LRP1B: variants seen among roughly 807,000 people sequenced by gnomAD.
LRP1B encodes the protein low-density lipoprotein receptor-related protein 1B.
In LRP1B, 217 loss-of-function variants were observed where a neutral mutation model predicts 556.6. The ratio of observed to expected loss-of-function variants is 0.39; its 90% CI spans 0.35 to 0.44. The LOEUF is 0.44. LRP1B is among the 20% of genes least tolerant of loss of function. The pLI, the probability that LRP1B is intolerant of heterozygous loss-of-function variation, is 1.00. For synonymous variants in LRP1B, 2,047 were observed against 1,865.8 expected (o/e 1.10, Z -2.50); for missense variants, 5,053 against 5,620.8 (o/e 0.90, Z 3.23).
intron 1 of LRP1B, among the ~76,000 whole-genome samples, chr2:141,841,774 G>A (rs1238526627): frequency 1.3e-5 from 2 of 152,194 alleles, no homozygotes; most frequent in East Asian, 3.9e-4. Context: ...TTATTGACAG[G>A]TCCTCATATA....
chr2:140,330,812 T>G (rs898030303), intron 79 of LRP1B, among the ~76,000 whole-genome samples: 1 of 152,026 alleles, frequency 6.6e-6, no homozygotes, highest in African/African-American at 2.4e-5. Flanking sequence ...ATTTTTGCAA[T>G]CCACCCATCT....
At position 140,702,302 on chromosome 2, in the gene LRP1B, G is replaced by A. The variant is rs1465705102; in HGVS notation, c.6151-10C>T. On this transcript the variant is annotated splice_polypyrimidine_tract_variant and intron_variant, in intron 38 of 90. Transcript: ENST00000389484. ...AGTACAATTTATTTTCCTAAATATC[G>A]ATTAAGAAGTAACGTTACAGACTAT... is the stretch of plus-strand genomic sequence containing the variant. 6.2e-6 allele frequency: 10 copies of A among 1,612,178 alleles called. No individual in the cohort carries two copies. The highest frequency in any genetic ancestry group is 2.7e-5 in the African/African-American group (2 of 74,758).
At chr2:141,672,872 A>C (rs1411286647) in intron 2 of LRP1B, among the ~76,000 whole-genome samples, 1 of 152,192 alleles carries the variant, frequency 6.6e-6, no homozygotes, top group Non-Finnish European at 1.5e-5. Context: ...ATTTGTGTTC[A>C]TCATGAAGGT....
chr2:142,005,107 T>C (rs1702762958), intron 1 of LRP1B, among the ~76,000 whole-genome samples: 1 of 148,484 alleles, frequency 6.7e-6, no homozygotes, highest in Non-Finnish European at 1.5e-5. Flanking sequence ...TATTTATTAG[T>C]TATTTACTAT....
chr2:141,167,026 A>G (rs1364620331), intron 7 of LRP1B, among the ~76,000 whole-genome samples: 2 of 151,950 alleles, frequency 1.3e-5, no homozygotes, highest in Admixed American at 6.6e-5. Context: ...TAGTTGAAAC[A>G]CGTTTACTTA....
chr2:141,979,759 A>C (rs527450499), intron 1 of LRP1B, among the ~76,000 whole-genome samples: 1 of 152,248 alleles, frequency 6.6e-6, no homozygotes, highest in Admixed American at 6.5e-5. Flanking sequence ...TATAGTTATT[A>C]GGATAATGCA....
chr2:140,345,465 A>C (rs1681602604), intron 77 of LRP1B, among the ~76,000 whole-genome samples: 1 of 151,192 alleles, frequency 6.6e-6, no homozygotes, highest in African/African-American at 2.4e-5. Context: ...ATTTTCTCTT[A>C]ATGCACTGGC....
chr2:142,013,936 G>A (rs893998009), intron 1 of LRP1B, among the ~76,000 whole-genome samples: 1 of 152,056 alleles, frequency 6.6e-6, no homozygotes, highest in East Asian at 1.9e-4. Flanking sequence ...CTAAACTTGG[G>A]AGTGCCCAGA....
intron 3 of LRP1B, among the ~76,000 whole-genome samples, chr2:141,319,201 T>C (rs1316777856): frequency 6.6e-6 from 1 of 152,032 alleles, no homozygotes; most frequent in Admixed American, 6.6e-5. Context: ...GTTATTACTA[T>C]TTTTTATTGT....
intron 3 of LRP1B, among the ~76,000 whole-genome samples, chr2:141,459,626 T>C (rs1206679510): frequency 6.6e-6 from 1 of 152,096 alleles, no homozygotes; most frequent in Non-Finnish European, 1.5e-5. Context: ...GTGGGTCTTT[T>C]CCATGCTATT....
At chr2:140,864,419 G>A (rs949519478) in intron 27 of LRP1B, among the ~76,000 whole-genome samples, 1 of 152,034 alleles carries the variant, frequency 6.6e-6, no homozygotes, top group African/African-American at 2.4e-5. Context: ...ATTTATAATT[G>A]GTATGTGTGA....
chr2:141,690,945 G>T (rs1360770530), intron 2 of LRP1B, among the ~76,000 whole-genome samples: 1 of 151,524 alleles, frequency 6.6e-6, no homozygotes, highest in Non-Finnish European at 1.5e-5. Context: ...AGACATACGG[G>T]GGACGAAAGA....
At chr2:140,533,914 A>G (rs1301371009) in intron 47 of LRP1B, 107 bp downstream of exon 47, 17 of 1,153,338 alleles carry the variant, frequency 1.5e-5, no homozygotes, top group Non-Finnish European at 2.1e-5. Flanking sequence ...TGATCCATAG[A>G]TGTTACTAGG....
rs749324184 is a variant in LRP1B at position 141,858,991 on chromosome 2, C to T, written c.83-48590G>A. ...TCAGGAAAAGCCCCTGGAATACTTTCTAGCAAGGCCATCAGTCATTTAAGG... is the reference window on the plus strand; with the variant it reads ...TCAGGAAAAGCCCCTGGAATACTTTTTAGCAAGGCCATCAGTCATTTAAGG... On this transcript the variant is annotated intron_variant, in intron 1 of 90. Coordinates refer to ENST00000389484, the MANE Select transcript of LRP1B (RefSeq NM_018557.3). 6.2e-3 allele frequency among the ~76,000 whole-genome samples: 951 copies of T among 152,210 alleles called. 7 individuals are homozygous for T. The highest frequency in any genetic ancestry group is 9.1e-3 in the Non-Finnish European group (622 of 67,984).
At chr2:141,343,712 TCTG>T (rs1688149563) in intron 3 of LRP1B, among the ~76,000 whole-genome samples, 1 of 152,188 alleles carries the variant, frequency 6.6e-6, no homozygotes, top group African/African-American at 2.4e-5. Flanking sequence ...CTATGTCCAG[TCTG>T]CTTTGAGCTC....
intron 1 of LRP1B, among the ~76,000 whole-genome samples, chr2:141,967,118 A>G (rs74783526): frequency 1.2e-3 from 186 of 151,968 alleles, no homozygotes; most frequent in African/African-American, 4.0e-3. Context: ...TTCCACATGG[A>G]ATTGATATTT....
At chr2:140,748,406 TATTC>T in intron 35 of LRP1B, among the ~76,000 whole-genome samples, 2 of 102,484 alleles carry the variant, frequency 2.0e-5, no homozygotes, top group South Asian at 6.3e-4. Flanking sequence ...TCATATATTA[TATTC>T]ATATATAATA....
chr2:141,186,557 T>A (rs1015876704), intron 7 of LRP1B, among the ~76,000 whole-genome samples: 2 of 152,070 alleles, frequency 1.3e-5, no homozygotes, highest in African/African-American at 4.8e-5. Context: ...CTGATATCTA[T>A]GATTCATGAT....
At chr2:140,776,814 G>T (rs115196667) in intron 32 of LRP1B, among the ~76,000 whole-genome samples, 1 of 151,846 alleles carries the variant, frequency 6.6e-6, no homozygotes, top group African/African-American at 2.4e-5. Flanking sequence ...AATTTATACC[G>T]GTACCACCTA....
Sources: allele counts gnomAD v4.1 joint callset (sites outside exome capture counted in the v4.1 genomes callset), GRCh38; gene constraint gnomAD v4.1.1; transcripts MANE v1.5; gene names NCBI Gene and HGNC (gene_info 2026-07-23, HGNC 2026-07-21).